The following MCPH1 variants were observed in gnomAD, a reference collection of about 807,000 sequenced individuals.
MCPH1 encodes microcephalin 1.
A neutral mutation model predicts 84.5 loss-of-function variants in MCPH1; 104 were observed. The observed-to-expected ratio is 1.23, with a 90% confidence interval of 1.05 to 1.45. The LOEUF is 1.45. Ranked by LOEUF, MCPH1 falls within the 40% of genes most tolerant of loss-of-function variation. MCPH1 has a pLI of 0.00. For synonymous variants in MCPH1, 514 were observed against 366.8 expected (o/e 1.40, Z -4.58); for missense variants, 1,498 against 1,005.7 (o/e 1.49, Z -6.62).
chr8:6,424,171 T>C (rs1407398431), intron 3 of MCPH1, among the ~76,000 whole-genome samples: 4 of 152,346 alleles, frequency 2.6e-5, no homozygotes, highest in Non-Finnish European at 5.9e-5. Flanking sequence ...TTCTGACATT[T>C]CCTTTGGATG....
At chr8:6,457,469 G>T (rs1007051970) in intron 9 of MCPH1, among the ~76,000 whole-genome samples, 2 of 151,696 alleles carry the variant, frequency 1.3e-5, no homozygotes, top group African/African-American at 4.9e-5. Context: ...GCCAGGCCTG[G>T]TGGTGGGCAC....
At chr8:6,475,627 C>T (rs1156646790) in intron 9 of MCPH1, among the ~76,000 whole-genome samples, 2 of 152,166 alleles carry the variant, frequency 1.3e-5, no homozygotes, top group East Asian at 3.9e-4. Context: ...GTCGGGAGGG[C>T]AATGCTCTAT....
At chr8:6,587,506 C>T (rs751114156) in intron 12 of MCPH1, among the ~76,000 whole-genome samples, 1 of 152,198 alleles carries the variant, frequency 6.6e-6, no homozygotes, top group Non-Finnish European at 1.5e-5. Flanking sequence ...AACACTGTTT[C>T]TCGTCTGGTG....
At chr8:6,640,095 T>TGTGC (rs1170066051) in intron 13 of MCPH1, among the ~76,000 whole-genome samples, 86 of 138,650 alleles carry the variant, frequency 6.2e-4, no homozygotes, top group Non-Finnish European at 1.3e-3. Context: ...TGTGTGTGTG[T>TGTGC]GTGCGCGCGC....
intron 12 of MCPH1, chr8:6,501,255 G>A (rs1218742878): frequency 6.6e-6 from 1 of 152,114 alleles, no homozygotes; most frequent in Non-Finnish European, 1.5e-5. Context: ...CAAGTGGTGG[G>A]GAGAAGTTGG....
chr8:6,625,381 G>T (rs1586855683), intron 13 of MCPH1: 1 of 985,376 alleles, frequency 1.0e-6, no homozygotes, highest in East Asian at 1.1e-4. Flanking sequence ...AAAGCACATT[G>T]TGTCTTTTGG....
intron 12 of MCPH1, among the ~76,000 whole-genome samples, chr8:6,611,864 C>T (rs560878143): frequency 1.3e-5 from 2 of 152,118 alleles, no homozygotes; most frequent in Non-Finnish European, 2.9e-5. Flanking sequence ...GTGATCCACC[C>T]ACCTCGGCCT....
chr8:6,551,733 T>G (rs894034233), intron 12 of MCPH1, among the ~76,000 whole-genome samples: 1 of 152,202 alleles, frequency 6.6e-6, no homozygotes, highest in Non-Finnish European at 1.5e-5. Flanking sequence ...TAGTTAAAAA[T>G]AGTAAGGAAT....
intron 6 of MCPH1, among the ~76,000 whole-genome samples, chr8:6,441,236 A>C (rs1035976121): frequency 1.3e-5 from 2 of 152,208 alleles, no homozygotes; most frequent in Admixed American, 1.3e-4. Context: ...TGGACATCCA[A>C]ATTGTTTCAG....
At chr8:6,472,453 T>C (rs867929248) in intron 9 of MCPH1, among the ~76,000 whole-genome samples, 27 of 152,120 alleles carry the variant, frequency 1.8e-4, no homozygotes, top group African/African-American at 5.3e-4. Context: ...TGGGGAATCT[T>C]AGACAGTTTT....
chr8:6,621,110 A>G, intron 12 of MCPH1: 2 of 366,258 alleles, frequency 5.5e-6, no homozygotes, highest in Non-Finnish European at 5.2e-6. Flanking sequence ...ACACGTCACC[A>G]AGTTACTTTA....
rs757697166 is a variant in MCPH1 at position 6,445,531 on chromosome 8, C to G, written c.1809C>G (p.Pro603=). 6.2e-7 allele frequency: 1 copy of G among 1,603,706 alleles called. No homozygotes were observed. The highest frequency in any genetic ancestry group is 1.3e-5 in the African/African-American group (1 of 74,326). ...ETSTEEKENL[P]GGYSGSVKNR... Reference sequence around the variant, plus strand: ...CTACAGAAGAGAAGGAAAACTTACCCGGAGGATACAGTGGAAGTATGTGAA... The same window carrying G: ...CTACAGAAGAGAAGGAAAACTTACCGGGAGGATACAGTGGAAGTATGTGAA... Residue 603 remains proline (P), a synonymous_variant, in exon 8 of 14, where the codon CCC becomes CCG. Transcript: ENST00000344683.
intron 12 of MCPH1, among the ~76,000 whole-genome samples, chr8:6,607,884 G>A (rs972547207): frequency 1.3e-5 from 2 of 152,206 alleles, no homozygotes; most frequent in Non-Finnish European, 1.5e-5. Flanking sequence ...GTCTATATCA[G>A]CAGCATGAAA....
At chr8:6,568,241 C>CCATCGCTAGCTGAATGTGGAATGTGGACT in intron 12 of MCPH1, among the ~76,000 whole-genome samples, 1 of 118,374 alleles carries the variant, frequency 8.4e-6, no homozygotes, top group African/African-American at 4.4e-5. Context: ...GCGCGTGGAC[C>CCATCGCTAGCTGAATGTGGAATGTGGACT]CATCGCTAGC....
At chr8:6,505,229 GTATATATAGAATATATATTCTTTATA>G (rs1563305017) in intron 12 of MCPH1, among the ~76,000 whole-genome samples, 2 of 31,702 alleles carry the variant, frequency 6.3e-5, no homozygotes, top group Admixed American at 4.7e-4. Flanking sequence ...ATATTCTTAT[GTATATATAGAATATATATTCTTTATA>G]TATGTTTTAT....
intron 12 of MCPH1, among the ~76,000 whole-genome samples, chr8:6,540,537 A>T (rs1368945975): frequency 1.3e-5 from 2 of 152,236 alleles, no homozygotes; most frequent in Non-Finnish European, 2.9e-5. Context: ...TGCATACCTG[A>T]CACTTGCACA....
At chr8:6,480,169 G>T (rs1478393725) in intron 10 of MCPH1, among the ~76,000 whole-genome samples, 1 of 150,452 alleles carries the variant, frequency 6.6e-6, no homozygotes, top group African/African-American at 2.5e-5. Flanking sequence ...TGTCGCCCAG[G>T]CTGGAGTGCA....
intron 4 of MCPH1, among the ~76,000 whole-genome samples, chr8:6,432,918 C>T (rs954570554): frequency 2.0e-5 from 3 of 152,212 alleles, no homozygotes; most frequent in African/African-American, 7.2e-5. Flanking sequence ...TAAACACAGA[C>T]ATCTCTTTGA....
chr8:6,622,090 C>T (rs1359123507), intron 13 of MCPH1: 4 of 341,852 alleles, frequency 1.2e-5, no homozygotes, highest in Admixed American at 1.1e-4. Context: ...GGGCCCAAGC[C>T]CCCGTCCCTG....
Sources: allele counts gnomAD v4.1 joint callset (sites outside exome capture counted in the v4.1 genomes callset), GRCh38; gene constraint gnomAD v4.1.1; transcripts MANE v1.5; gene names NCBI Gene and HGNC (gene_info 2026-07-23, HGNC 2026-07-21).